STK3: variants seen among roughly 807,000 people sequenced by gnomAD.
STK3 encodes serine/threonine-protein kinase 3.
Under a neutral mutation model 58.0 loss-of-function variants are expected in STK3, and 41 were observed. That is an observed-to-expected ratio of 0.71 (90% CI 0.55 to 0.92). STK3 has a LOEUF of 0.92. Among genes scored for constraint, STK3 ranks in the 40% least tolerant of loss-of-function variants. The pLI, the probability that STK3 is intolerant of heterozygous loss-of-function variation, is 0.00. For missense variants in STK3, 479 were observed against 602.7 expected, an observed-to-expected ratio of 0.79 and a Z score of 2.15; for synonymous variants, 170 against 191.0, an observed-to-expected ratio of 0.89 and a Z score of 0.91.
Position 98,774,727 on chromosome 8 carries a change from T to C in STK3, c.107+12A>G, listed in dbSNP as rs191803711. 589 of 1,553,030 alleles carry C rather than the reference T, an allele frequency of 3.8e-4. 2 individuals carry two copies. In the African/African-American group the frequency reaches 7.2e-3, roughly 19 times the overall value. The stretch of plus-strand genomic sequence containing the variant: ...GAAATTATTTACATGCTTTCATACT[T>C]TTTGTACTTACCCTTCTCCAAGCTT... On this transcript the variant is annotated intron_variant, in intron 2 of 10. Coordinates refer to ENST00000419617, the MANE Select transcript of STK3 (RefSeq NM_006281.4).
At position 98,614,879 on chromosome 8, in the gene STK3, G is replaced by T. The variant is rs188321797; in HGVS notation, c.685-18710C>A. ...CAAACTGCAAGGCGGCAGCTAGGCTGGGGGAGGGGAGCCCGCCATTGCCCG... is the reference window on the plus strand; with the variant it reads ...CAAACTGCAAGGCGGCAGCTAGGCTTGGGGAGGGGAGCCCGCCATTGCCCG... On this transcript the variant is annotated intron_variant, in intron 6 of 10. Transcript: ENST00000419617. Among the ~76,000 whole-genome samples the T allele has an allele frequency of 1.1e-3, 169 of 152,324 alleles. 6 individuals are homozygous for T. In the East Asian group the frequency reaches 0.022, roughly 20 times the overall value.
At chr8:98,550,561 A>G (rs1407683820) in intron 8 of STK3, among the ~76,000 whole-genome samples, 1 of 152,074 alleles carries the variant, frequency 6.6e-6, no homozygotes, top group Non-Finnish European at 1.5e-5. Context: ...TTCATTCCCT[A>G]TATATGCATC....
chr8:98,675,796 G>A (rs998081364), intron 6 of STK3, among the ~76,000 whole-genome samples: 11 of 151,828 alleles, frequency 7.2e-5, no homozygotes, highest in African/African-American at 2.7e-4. Context: ...CCCGGGAGGC[G>A]GAGCTTGCAG....
chr8:98,428,194 A>C lies in STK3; in HGVS notation n.483+5933T>G, dbSNP rs749873859. Reference sequence around the variant, plus strand: ...GACGTCCAGCGGGAGTTCTACTTCGACCGCAACCCTGAGCTCTTCCCCTAC... The same window carrying C: ...GACGTCCAGCGGGAGTTCTACTTCGCCCGCAACCCTGAGCTCTTCCCCTAC... On this transcript the variant is annotated intron_variant and non_coding_transcript_variant, in intron 3 of 3. Transcript: ENST00000517832. This position sits in a 1 kb window ranked among gnomAD's most constrained non-coding sequence, Gnocchi z 6.7. The C allele has an allele frequency of 6.2e-7, 1 of 1,613,940 alleles. No individual in the cohort carries two copies. The highest frequency in any genetic ancestry group is 1.1e-5 in the South Asian group (1 of 91,048).
chr8:98,412,136 C>T (rs1398692241), intron 3 of STK3, among the ~76,000 whole-genome samples: 2 of 152,172 alleles, frequency 1.3e-5, no homozygotes, highest in East Asian at 3.9e-4. Context: ...TCCCGAGGTG[C>T]TGCCTGCGAT....
At chr8:98,549,071 G>A (rs1167665637) in intron 8 of STK3, among the ~76,000 whole-genome samples, 1 of 152,134 alleles carries the variant, frequency 6.6e-6, no homozygotes, top group African/African-American at 2.4e-5. Flanking sequence ...TGTGAACACT[G>A]ACCTACAAGT....
In STK3 at chr8:98,550,247, G is replaced by T. The variant is rs558933143; in HGVS notation, c.949-2086C>A. Among the ~76,000 whole-genome samples, 20 of 152,070 alleles carry T rather than the reference G, an allele frequency of 1.3e-4. No individual in the cohort carries two copies. In the South Asian group the frequency reaches 4.1e-3, roughly 32 times the overall value. The stretch of plus-strand genomic sequence containing the variant: ...TTCCTAAACCTACATGCTAAGCTTG[G>T]GCATTAGGTCTCAAAGTCGTTTGCA... On this transcript the variant is annotated intron_variant, in intron 8 of 10. Coordinates refer to ENST00000419617, the MANE Select transcript of STK3 (RefSeq NM_006281.4).
At chr8:98,834,642 C>T (rs761106439) in intron 3 of STK3, among the ~76,000 whole-genome samples, 10 of 152,204 alleles carry the variant, frequency 6.6e-5, no homozygotes, top group Non-Finnish European at 1.2e-4. Flanking sequence ...CATTTTCCCC[C>T]GTGTCTTCAC....
intron 3 of STK3, among the ~76,000 whole-genome samples, chr8:98,866,181 G>C (rs1315848749): frequency 6.6e-6 from 1 of 152,232 alleles, no homozygotes; most frequent in Non-Finnish European, 1.5e-5. Context: ...AGTGTGTCTA[G>C]TTTTTGAATT....
intron 1 of STK3, chr8:98,904,959 G>A (rs2131963986): frequency 2.8e-6 from 2 of 718,610 alleles, no homozygotes; most frequent in East Asian, 2.9e-5. Flanking sequence ...AGCTGCTGCC[G>A]CTGCTGCTAC....
At chr8:98,560,272 CT>C (rs1811906031) in intron 8 of STK3, among the ~76,000 whole-genome samples, 1 of 151,966 alleles carries the variant, frequency 6.6e-6, no homozygotes, top group Non-Finnish European at 1.5e-5. Context: ...AAGAAACTAT[CT>C]ATATTTGCAG....
chr8:98,428,796 A>G lies in STK3; in HGVS notation n.483+5331T>C, dbSNP rs757047371. ...CCTCATGTCCATCGTCCCCTTTTAC[A>G]TCACTCTGGTGGTGAACCTGGTGGT... On this transcript the variant is annotated intron_variant and non_coding_transcript_variant, in intron 3 of 3. Coordinates refer to the STK3 transcript ENST00000517832. This position sits in a 1 kb window ranked among gnomAD's most constrained non-coding sequence, Gnocchi z 6.7. 1.5e-5 allele frequency: 25 copies of G among 1,613,980 alleles called. No homozygotes were observed. The East Asian group carries it at 3.3e-4, about 22-fold the overall frequency.
At chr8:98,385,505 T>C (rs1586544319) in intron 1 of STK3, among the ~76,000 whole-genome samples, 1 of 152,192 alleles carries the variant, frequency 6.6e-6, no homozygotes, top group Non-Finnish European at 1.5e-5. Context: ...CGGATGAAAG[T>C]GGAAGCCACA....
In STK3 at chr8:98,650,865, G is replaced by A. The variant is rs563464771; in HGVS notation, c.685-54696C>T. On this transcript the variant is annotated intron_variant, in intron 6 of 10. Transcript: ENST00000419617. ...CTCCAACTGGGTAGCACCCACCACA[G>A]CTCAAGGAGGCCTGCCTGCCTCTGT... Among the ~76,000 whole-genome samples the A allele has an allele frequency of 1.9e-3, 297 of 152,362 alleles. 1 individual carries two copies. Among genetic ancestry groups the A allele is most frequent in the African/African-American group, 6.9e-3 (285 of 41,592 alleles).
intron 8 of STK3, among the ~76,000 whole-genome samples, chr8:98,552,084 C>G (rs1270474112): frequency 6.6e-6 from 1 of 152,034 alleles, no homozygotes; most frequent in Non-Finnish European, 1.5e-5. Flanking sequence ...TTAAATTTTT[C>G]TCTACTCAAA....
rs146692811 is a variant in STK3 at position 98,624,503 on chromosome 8, T to C, written c.685-28334A>G. Among the ~76,000 whole-genome samples the C allele has an allele frequency of 8.4e-3, 1,282 of 152,126 alleles. 11 individuals are homozygous for C. Among genetic ancestry groups the C allele is most frequent in the African/African-American group, 0.029 (1,206 of 41,494 alleles). On this transcript the variant is annotated intron_variant, in intron 6 of 10. Transcript: ENST00000419617. The stretch of plus-strand genomic sequence containing the variant: ...TTATTACTATGGGATTAGTGTAGTA[T>C]TGGTACATTGTTAGGAAGATACAGC...
chr8:98,825,420 C>A (rs1272246466), intron 1 of STK3, 95 bp downstream of exon 1: 10 of 1,171,146 alleles, frequency 8.5e-6, no homozygotes, highest in Non-Finnish European at 1.1e-5. Context: ...GCCCGGCGGG[C>A]GGGGAGAGGC....
chr8:98,790,942 C>A (rs1274278233), intron 1 of STK3, among the ~76,000 whole-genome samples: 1 of 151,858 alleles, frequency 6.6e-6, no homozygotes, highest in Non-Finnish European at 1.5e-5. Context: ...TGAGATCGCG[C>A]CATTGCACTC....
At chr8:98,730,066 G>A (rs933317208) in intron 4 of STK3, among the ~76,000 whole-genome samples, 3 of 152,158 alleles carry the variant, frequency 2.0e-5, no homozygotes, top group African/African-American at 7.2e-5. Flanking sequence ...GCACATAAAA[G>A]TAATACATAT....
Sources: gnomAD v4.1 joint callset for allele counts (sites outside exome capture counted in the v4.1 genomes callset) on GRCh38, gnomAD v4.1.1 for gene constraint, Gnocchi (gnomAD v3.1) non-coding constraint, MANE v1.5 for transcripts, NCBI Gene and HGNC (gene_info 2026-07-23, HGNC 2026-07-21) for gene names.